GPC5: variants seen among roughly 807,000 people sequenced by gnomAD.
The protein encoded by GPC5 is glypican-5.
In GPC5, 47 loss-of-function variants were observed where a neutral mutation model predicts 53.9. The observed-to-expected ratio is 0.87, with a 90% confidence interval of 0.69 to 1.11. GPC5 has a LOEUF of 1.11. Among genes scored for constraint, GPC5 ranks in the 50% most tolerant of loss-of-function variants. The pLI is 0.00. For synonymous variants in GPC5, 286 were observed against 263.3 expected, an observed-to-expected ratio of 1.09 and a Z score of -0.84; for missense variants, 748 against 713.1, an observed-to-expected ratio of 1.05 and a Z score of -0.56.
chr13:91,852,722 T>C (rs1594618047), intron 5 of GPC5, among the ~76,000 whole-genome samples: 1 of 152,246 alleles, frequency 6.6e-6, no homozygotes. Context: ...TGAACTGTAA[T>C]GATACTGCAG....
At chr13:92,472,764 A>G (rs1431866107) in intron 7 of GPC5, among the ~76,000 whole-genome samples, 1 of 152,098 alleles carries the variant, frequency 6.6e-6, no homozygotes. Flanking sequence ...CTCAGTATTA[A>G]TTTTGACTTG....
intron 7 of GPC5, among the ~76,000 whole-genome samples, chr13:92,399,297 G>A (rs1159031734): frequency 6.6e-6 from 1 of 152,164 alleles, no homozygotes; most frequent in Non-Finnish European, 1.5e-5. Context: ...AATGTAAACT[G>A]TGATGAGTAT....
At chr13:92,437,506 G>C (rs1877357880) in intron 7 of GPC5, among the ~76,000 whole-genome samples, 1 of 152,008 alleles carries the variant, frequency 6.6e-6, no homozygotes, top group Non-Finnish European at 1.5e-5. Flanking sequence ...AAAATATGTA[G>C]TTGTACATCA....
At chr13:92,628,264 C>CTTTTTTTTT (rs71123419) in intron 7 of GPC5, among the ~76,000 whole-genome samples, 1,495 of 45,258 alleles carry the variant, frequency 0.033, 170 homozygotes, top group Non-Finnish European at 0.044. Flanking sequence ...CTTTTTCTTT[C>CTTTTTTTTT]TTTTTTTTTT....
intron 6 of GPC5, among the ~76,000 whole-genome samples, chr13:91,968,295 A>G (rs2139086635): frequency 6.6e-6 from 1 of 151,964 alleles, no homozygotes; most frequent in East Asian, 1.9e-4. Context: ...TCTAGATTTA[A>G]TTGTGGTACA....
At chr13:92,149,430 A>T (rs1407639249) in intron 7 of GPC5, among the ~76,000 whole-genome samples, 6 of 152,070 alleles carry the variant, frequency 3.9e-5, no homozygotes, top group Non-Finnish European at 7.4e-5. Flanking sequence ...AGGATAATAC[A>T]TTGCAATATT....
intron 2 of GPC5, among the ~76,000 whole-genome samples, chr13:91,483,896 G>A (rs552701502): frequency 8.5e-5 from 13 of 152,148 alleles, no homozygotes; most frequent in African/African-American, 1.9e-4. Flanking sequence ...ACTTAAAGTC[G>A]CAGTTTCCAA....
intron 7 of GPC5, among the ~76,000 whole-genome samples, chr13:92,257,426 T>C (rs897107950): frequency 2.0e-5 from 3 of 152,112 alleles, no homozygotes; most frequent in Non-Finnish European, 2.9e-5. Flanking sequence ...ATGTTTTTAC[T>C]TATATCTTAA....
intron 4 of GPC5, among the ~76,000 whole-genome samples, chr13:91,743,686 A>G (rs1297139444): frequency 6.6e-6 from 1 of 152,088 alleles, no homozygotes; most frequent in Non-Finnish European, 1.5e-5. Context: ...TTGTGTCTCT[A>G]GAGTAGGTTA....
chr13:92,419,278 A>T (rs995733365), intron 7 of GPC5, among the ~76,000 whole-genome samples: 37 of 150,142 alleles, frequency 2.5e-4, no homozygotes, highest in Admixed American at 1.3e-4. Flanking sequence ...CAGCAGTATT[A>T]TTTTTTTTTT....
At chr13:92,440,933 C>T (rs185785751) in intron 7 of GPC5, among the ~76,000 whole-genome samples, 1 of 152,142 alleles carries the variant, frequency 6.6e-6, no homozygotes, top group African/African-American at 2.4e-5. Flanking sequence ...ATTTAGGCTC[C>T]TTATAGATTC....
chr13:91,966,551 G>A (rs2040182499), intron 6 of GPC5, among the ~76,000 whole-genome samples: 1 of 152,156 alleles, frequency 6.6e-6, no homozygotes, highest in South Asian at 2.1e-4. Context: ...TTTATGTGTA[G>A]GATATGTTTG....
chr13:91,872,528 T>C (rs1213574982), intron 5 of GPC5, among the ~76,000 whole-genome samples: 1 of 152,128 alleles, frequency 6.6e-6, no homozygotes, highest in Non-Finnish European at 1.5e-5. Context: ...TCATTCAAAA[T>C]ATTATAATCA....
chr13:92,151,285 A>G (rs543963305), intron 7 of GPC5, among the ~76,000 whole-genome samples: 1 of 152,098 alleles, frequency 6.6e-6, no homozygotes, highest in Non-Finnish European at 1.5e-5. Flanking sequence ...CTCTGCTTAC[A>G]AAGTAGAGTA....
intron 7 of GPC5, among the ~76,000 whole-genome samples, chr13:92,607,742 C>T (rs528104751): frequency 6.6e-6 from 1 of 152,254 alleles, no homozygotes; most frequent in East Asian, 1.9e-4. Flanking sequence ...TTAATGTATG[C>T]ATTTCATCAC....
chr13:92,570,181 A>G (rs1977621), intron 7 of GPC5, among the ~76,000 whole-genome samples: 83,687 of 151,894 alleles, frequency 0.55, 24,816 homozygotes, highest in African/African-American at 0.77. Flanking sequence ...TGTAAAATTG[A>G]AAGGAAAAAT....
Position 91,732,343 on chromosome 13 carries a change from G to A in GPC5, c.1154+3678G>A, listed in dbSNP as rs563873603. Among the ~76,000 whole-genome samples, 7 of 150,246 alleles carry A rather than the reference G, an allele frequency of 4.7e-5. No individual in the cohort carries two copies. The East Asian group carries it at 7.8e-4, about 17-fold the overall frequency. On this transcript the variant is annotated intron_variant, in intron 4 of 7. Coordinates refer to ENST00000377067, the MANE Select transcript of GPC5 (RefSeq NM_004466.6). The stretch of plus-strand genomic sequence containing the variant: ...TGCATAAATGTCTTCTCTTGAAAAT[G>A]TCGGTTCATATCCTTTGCCCACTTT...
At chr13:92,733,873 G>A (rs1207519064) in intron 7 of GPC5, among the ~76,000 whole-genome samples, 1 of 151,600 alleles carries the variant, frequency 6.6e-6, no homozygotes, top group Non-Finnish European at 1.5e-5. Context: ...ATGTCTCTAT[G>A]CATTTTTTTA....
intron 7 of GPC5, among the ~76,000 whole-genome samples, chr13:92,570,705 C>T (rs1882996517): frequency 6.6e-6 from 1 of 151,980 alleles, no homozygotes; most frequent in Non-Finnish European, 1.5e-5. Flanking sequence ...AATCCATATA[C>T]AACCAACACA....
Sources: allele counts gnomAD v4.1 joint callset (sites outside exome capture counted in the v4.1 genomes callset), GRCh38; gene constraint gnomAD v4.1.1; transcripts MANE v1.5; gene names NCBI Gene and HGNC (gene_info 2026-07-23, HGNC 2026-07-21).